The following MDFIC2 variants were observed in gnomAD, a reference collection of about 807,000 sequenced individuals.
MDFIC2 encodes MyoD family inhibitor domain containing 2.
chr3:70,300,931 C>T (rs999676163), intron 2 of MDFIC2, among the ~76,000 whole-genome samples: 18 of 151,928 alleles, frequency 1.2e-4, no homozygotes, highest in South Asian at 4.2e-4. Flanking sequence ...TCAAGAAAGC[C>T]GTTAGTGCAA....
intron 2 of MDFIC2, among the ~76,000 whole-genome samples, chr3:70,238,281 G>C (rs566480821): frequency 6.6e-6 from 1 of 151,882 alleles, no homozygotes; most frequent in East Asian, 1.9e-4. Flanking sequence ...TTGGGCTTTG[G>C]GTAGACAGAG....
chr3:70,219,627 A>T (rs1486419398), intron 2 of MDFIC2, among the ~76,000 whole-genome samples: 1 of 152,234 alleles, frequency 6.6e-6, no homozygotes, highest in African/African-American at 2.4e-5. Context: ...CCAAAGGGAC[A>T]TGTGTGAACC....
intron 2 of MDFIC2, among the ~76,000 whole-genome samples, chr3:70,231,167 A>G (rs1701556493): frequency 6.6e-6 from 1 of 152,224 alleles, no homozygotes; most frequent in African/African-American, 2.4e-5. Context: ...ATTGCCTGAC[A>G]GGCTCCAGTC....
chr3:70,265,122 T>A (rs1412185485), intron 2 of MDFIC2, among the ~76,000 whole-genome samples: 1 of 152,128 alleles, frequency 6.6e-6, no homozygotes. Flanking sequence ...GTCCCTCCCA[T>A]GACATGTGGG....
intron 3 of MDFIC2, among the ~76,000 whole-genome samples, chr3:70,199,846 A>G (rs896579357): frequency 6.6e-6 from 1 of 152,188 alleles, no homozygotes; most frequent in Non-Finnish European, 1.5e-5. Context: ...CCCATCCAAA[A>G]GTGTATACCA....
intron 3 of MDFIC2, 63 bp from the exon 4 acceptor site, chr3:70,197,248 T>A (rs879594410): frequency 2.3e-5 from 9 of 397,940 alleles, no homozygotes; most frequent in Non-Finnish European, 3.5e-5. Flanking sequence ...AGGACAGGCA[T>A]GTGTGCTGGG....
intron 2 of MDFIC2, among the ~76,000 whole-genome samples, chr3:70,296,225 C>A (rs1559557079): frequency 6.6e-6 from 1 of 152,036 alleles, no homozygotes; most frequent in Non-Finnish European, 1.5e-5. Context: ...TTTCCATGAG[C>A]CCCCAAATAA....
At chr3:70,271,547 G>C (rs547014660) in intron 2 of MDFIC2, among the ~76,000 whole-genome samples, 5 of 152,268 alleles carry the variant, frequency 3.3e-5, no homozygotes, top group African/African-American at 1.2e-4. Flanking sequence ...TGCAAATGTT[G>C]ACAAAATTTG....
intron 2 of MDFIC2, among the ~76,000 whole-genome samples, chr3:70,306,830 T>C (rs1559559760): frequency 6.6e-6 from 1 of 152,208 alleles, no homozygotes; most frequent in Non-Finnish European, 1.5e-5. Context: ...ATTTCAATAC[T>C]CTTAGCTTCA....
At chr3:70,256,481 C>T (rs1327018181) in intron 2 of MDFIC2, among the ~76,000 whole-genome samples, 2 of 152,182 alleles carry the variant, frequency 1.3e-5, no homozygotes, top group African/African-American at 2.4e-5. Context: ...TTGAGGGTCT[C>T]AGGACCTCAT....
intron 2 of MDFIC2, among the ~76,000 whole-genome samples, chr3:70,306,945 T>G (rs1239334331): frequency 6.6e-6 from 1 of 152,130 alleles, no homozygotes; most frequent in African/African-American, 2.4e-5. Flanking sequence ...TTGACTTTGC[T>G]CATACAAATA....
At chr3:70,302,613 A>T (rs1476819545) in intron 2 of MDFIC2, 2 of 152,116 alleles carry the variant, frequency 1.3e-5, no homozygotes, top group African/African-American at 2.4e-5. Context: ...TCTTCTTCCT[A>T]TTGGGACTGG....
chr3:70,270,108 C>T (rs1302541693), intron 2 of MDFIC2, among the ~76,000 whole-genome samples: 1 of 152,056 alleles, frequency 6.6e-6, no homozygotes, highest in African/African-American at 2.4e-5. Context: ...ATGATGCCAT[C>T]CACAGCATTA....
chr3:70,225,783 C>T (rs752319965), intron 2 of MDFIC2, among the ~76,000 whole-genome samples: 9 of 152,098 alleles, frequency 5.9e-5, no homozygotes, highest in Non-Finnish European at 1.2e-4. Context: ...AAAAAAATGT[C>T]ATTTGTCAGT....
At chr3:70,292,970 G>A (rs988906868) in intron 2 of MDFIC2, among the ~76,000 whole-genome samples, 67 of 129,838 alleles carry the variant, frequency 5.2e-4, no homozygotes, top group African/African-American at 1.7e-3. Flanking sequence ...CAATTTAAAT[G>A]TTTCATCTTT....
At chr3:70,248,641 A>C (rs1701731121) in intron 2 of MDFIC2, among the ~76,000 whole-genome samples, 1 of 152,148 alleles carries the variant, frequency 6.6e-6, no homozygotes, top group Admixed American at 6.6e-5. Context: ...TTTTACAATC[A>C]ACAGTAAAGA....
At chr3:70,245,246 G>C (rs1701695759) in intron 2 of MDFIC2, among the ~76,000 whole-genome samples, 2 of 151,990 alleles carry the variant, frequency 1.3e-5, no homozygotes, top group Admixed American at 6.6e-5. Context: ...TTCAAAAGAA[G>C]ATGAGAATTA....
rs558805235 is a variant in MDFIC2 at position 70,306,320 on chromosome 3, C to T, written c.88+5566G>A. ...TAAAGACGGGGTTTCACCATGTTGG[C>T]CAGGCTGGTCTCAAACTCCTGACCT... On this transcript the variant is annotated intron_variant, in intron 2 of 3. Coordinates refer to ENST00000567252, the MANE Select transcript of MDFIC2 (RefSeq NM_001364677.1). 1.2e-4 allele frequency among the ~76,000 whole-genome samples: 19 copies of T among 152,210 alleles called. No individual in the cohort carries two copies. The East Asian group carries it at 3.7e-3, about 29-fold the overall frequency.
intron 2 of MDFIC2, among the ~76,000 whole-genome samples, chr3:70,228,574 A>G (rs1343141994): frequency 1.3e-5 from 2 of 151,424 alleles, no homozygotes; most frequent in African/African-American, 4.8e-5. Flanking sequence ...AGTAAATGAA[A>G]GGAAAATATT....
Sources: gnomAD v4.1 joint callset for allele counts (sites outside exome capture counted in the v4.1 genomes callset) on GRCh38, gnomAD v4.1.1 for gene constraint, MANE v1.5 for transcripts, NCBI Gene and HGNC (gene_info 2026-07-23, HGNC 2026-07-21) for gene names.